LRP4: variants seen among roughly 807,000 people sequenced by gnomAD.
LRP4 encodes the protein low-density lipoprotein receptor-related protein 4.
Under a neutral mutation model 220.3 loss-of-function variants are expected in LRP4, and 95 were observed. The ratio of observed to expected loss-of-function variants is 0.43; its 90% CI spans 0.37 to 0.51. The LOEUF (loss-of-function observed/expected upper bound fraction) is 0.51. Among genes scored for constraint, LRP4 ranks in the 20% least tolerant of loss-of-function variants. The pLI is 0.00. For synonymous variants in LRP4, 903 were observed against 954.6 expected (o/e 0.95, Z 1.00); for missense variants, 1,925 against 2,567.0 (o/e 0.75, Z 5.40).
intron 2 of LRP4, among the ~76,000 whole-genome samples, chr11:46,902,035 A>G (rs1023383831): frequency 6.6e-6 from 1 of 151,368 alleles, no homozygotes. Context: ...GCCCGGCCTA[A>G]GAAAATATAA....
intron 37 of LRP4, among the ~76,000 whole-genome samples, chr11:46,860,240 A>G (rs950533475): frequency 3.9e-5 from 6 of 151,918 alleles, no homozygotes; most frequent in Non-Finnish European, 7.4e-5. Flanking sequence ...ATTAAAAAAA[A>G]AAAAAGAAAG....
At chr11:46,892,840 G>A (rs548582739) in intron 13 of LRP4, 133 bp downstream of exon 13, 1 of 1,095,926 alleles carries the variant, frequency 9.1e-7, no homozygotes, top group Non-Finnish European at 1.3e-6. Context: ...AAAGTGCTGG[G>A]ATTACAGGCG....
chr11:46,901,018 A>C (rs1163762234), intron 2 of LRP4, among the ~76,000 whole-genome samples: 3 of 151,282 alleles, frequency 2.0e-5, no homozygotes, highest in East Asian at 1.9e-4. Context: ...CCAGTCTCGA[A>C]CTCCTGGCCT....
chr11:46,902,624 G>A (rs536365546), intron 2 of LRP4, among the ~76,000 whole-genome samples, 159 bp downstream of exon 2: 1 of 152,292 alleles, frequency 6.6e-6, no homozygotes, highest in Non-Finnish European at 1.5e-5. Flanking sequence ...CATATATAGT[G>A]AAGAAACTAC....
intron 7 of LRP4, among the ~76,000 whole-genome samples, chr11:46,898,078 G>A (rs1356641798): frequency 1.4e-5 from 2 of 145,654 alleles, no homozygotes; most frequent in African/African-American, 2.5e-5. Flanking sequence ...CCTCCCGGAC[G>A]GGGTGGCTGA....
chr11:46,867,367 A>G (rs1313790878), intron 34 of LRP4, among the ~76,000 whole-genome samples: 1 of 152,230 alleles, frequency 6.6e-6, no homozygotes, highest in Non-Finnish European at 1.5e-5. Context: ...ATGTGAGAGC[A>G]AATGTCACAG....
chr11:46,901,741 T>G (rs940245296), intron 2 of LRP4, among the ~76,000 whole-genome samples: 1 of 151,942 alleles, frequency 6.6e-6, no homozygotes, highest in Non-Finnish European at 1.5e-5. Flanking sequence ...AATATAAGTT[T>G]TTTTTTTTTT....
In LRP4 at chr11:46,873,768, T is replaced by G; in HGVS notation, c.4230-175A>C. Reference sequence around the variant, plus strand: ...GCATGATAGATGTTCAATAAAATAATTGCAGAATGAAGGAACCAGTTCTTA... The same window carrying G: ...GCATGATAGATGTTCAATAAAATAAGTGCAGAATGAAGGAACCAGTTCTTA... On this transcript the variant is annotated intron_variant, in intron 28 of 37. Transcript: ENST00000378623. The surrounding 1 kb of genome is among the most constrained non-coding windows in gnomAD (Gnocchi z 4.2). 1.7e-6 allele frequency: 1 copy of G among 588,120 alleles called. No individual in the cohort carries two copies. Among genetic ancestry groups the G allele is most frequent in the Non-Finnish European group, 3.0e-6 (1 of 332,622 alleles). 36.4% of individuals were successfully genotyped at this position (588,120 alleles called of 1,614,324 possible).
chr11:46,883,868 C>T lies in LRP4; in HGVS notation c.2612+3G>A. Reference sequence around the variant, plus strand: ...AGCTCATTCCCAAGGGGCAGCCACTCACCCGCCCATGGGTTCCACCACGAT... The same window carrying T: ...AGCTCATTCCCAAGGGGCAGCCACTTACCCGCCCATGGGTTCCACCACGAT... On this transcript the variant is annotated splice_donor_region_variant and intron_variant, in intron 19 of 37. Coordinates refer to ENST00000378623, the MANE Select transcript of LRP4 (RefSeq NM_002334.4). The T allele has an allele frequency of 6.2e-7, 1 of 1,611,576 alleles. No homozygotes were observed. Among genetic ancestry groups the T allele is most frequent in the Non-Finnish European group, 8.5e-7 (1 of 1,177,648 alleles).
Position 46,900,311 on chromosome 11 carries a change from C to T in LRP4, c.267G>A (p.Val89=). The T allele has an allele frequency of 6.2e-7, 1 of 1,614,188 alleles. No homozygotes were observed. The highest frequency in any genetic ancestry group is 8.5e-7 in the Non-Finnish European group (1 of 1,180,016). ...CCTCACAGTCGTTGTCCCCGTCACA[C>T]ACCCAGGAGCGGCGGATGCACTTGC... ...DNGKCIRRSW[V]CDGDNDCEDD... Residue 89 remains valine, a synonymous_variant, in exon 3 of 38, where the codon GTG becomes GTA. Transcript: ENST00000378623.
chr11:46,893,949 T>C (rs1417362256), intron 12 of LRP4, among the ~76,000 whole-genome samples: 1 of 148,252 alleles, frequency 6.7e-6, no homozygotes, highest in African/African-American at 2.5e-5. Context: ...TGAAGTACAA[T>C]GGCGTGATCT....
intron 12 of LRP4, 49 bp from the exon 13 acceptor site, chr11:46,893,178 C>T (rs367851406): frequency 5.5e-4 from 894 of 1,611,306 alleles, no homozygotes; most frequent in Non-Finnish European, 7.3e-4. Flanking sequence ...CCCAGGCCCC[C>T]ATGTCCCATA....
intron 18 of LRP4, 68 bp from the exon 19 acceptor site, chr11:46,884,044 C>T: frequency 8.0e-7 from 1 of 1,253,362 alleles, no homozygotes; most frequent in Non-Finnish European, 1.2e-6. Flanking sequence ...CCATGGCCAA[C>T]ACAAGAGCCT....
At chr11:46,914,945 A>AT (rs1392679340) in intron 1 of LRP4, among the ~76,000 whole-genome samples, 1 of 152,130 alleles carries the variant, frequency 6.6e-6, no homozygotes, top group African/African-American at 2.4e-5. Flanking sequence ...GCAAAGAGCT[A>AT]TAAAACACCG....
In LRP4 at chr11:46,898,651, C is replaced by T. The variant is rs1941596859; in HGVS notation, c.703G>A (p.Glu235Lys). Residue 235 changes from glutamate to lysine, a missense_variant, in exon 7 of 38, where the codon GAG becomes AAG. Physicochemically the swap from Glu to Lys is moderately conservative, Grantham distance 56. Transcript: ENST00000378623. ...CACAGGCCACTGTCACACATGAACT[C>T]CCCAGAGCGGCAGGGCTGGTGGGAG... The part of the protein sequence containing the change: ...CSSHQPCRSG[E>K]FMCDSGLCIN... 1.2e-6 allele frequency: 2 copies of T among 1,614,172 alleles called. No homozygotes were observed. Among genetic ancestry groups the T allele is most frequent in the Non-Finnish European group, 1.7e-6 (2 of 1,180,036 alleles).
chr11:46,914,159 T>C (rs1327085965), intron 1 of LRP4, among the ~76,000 whole-genome samples: 2 of 152,186 alleles, frequency 1.3e-5, no homozygotes, highest in African/African-American at 4.8e-5. Context: ...AGGTAAATTT[T>C]ATGATATTCC....
rs774693815 is a variant in LRP4, at chr11:46,880,651, C to T, written c.2814+1051G>A. Among the ~76,000 whole-genome samples, 11 of 151,704 alleles carry T rather than the reference C, an allele frequency of 7.3e-5. No homozygotes were observed. The East Asian group carries it at 1.5e-3, about 21-fold the overall frequency. On this transcript the variant is annotated intron_variant, in intron 20 of 37. Coordinates refer to ENST00000378623, the MANE Select transcript of LRP4 (RefSeq NM_002334.4). ...ATAAATAAATAAAAATTAAAAGAGA[C>T]GTAATTACTAAACACAATGGGTGAT...
At chr11:46,877,076 C>A in intron 23 of LRP4, 123 bp downstream of exon 23, 1 of 1,188,596 alleles carries the variant, frequency 8.4e-7, no homozygotes, top group Non-Finnish European at 1.3e-6. Context: ...GGGGCTATGC[C>A]AGAGGGAATG....
chr11:46,878,423 G>A (rs755608339), intron 22 of LRP4, among the ~76,000 whole-genome samples: 5 of 151,698 alleles, frequency 3.3e-5, no homozygotes, highest in Admixed American at 1.3e-4. Context: ...GGGATTACGC[G>A]CCACCATGCC....
Sources: gnomAD v4.1 joint callset for allele counts (sites outside exome capture counted in the v4.1 genomes callset) on GRCh38, gnomAD v4.1.1 for gene constraint, Gnocchi (gnomAD v3.1) non-coding constraint, MANE v1.5 for transcripts, NCBI Gene and HGNC (gene_info 2026-07-23, HGNC 2026-07-21) for gene names.